CTDP1: variants seen among roughly 807,000 people sequenced by gnomAD.
CTDP1 encodes the protein RNA polymerase II subunit A C-terminal domain phosphatase.
Under a neutral mutation model 91.8 loss-of-function variants are expected in CTDP1, and 47 were observed. The observed-to-expected ratio is 0.51, with a 90% CI of 0.41 to 0.65. The LOEUF (loss-of-function observed/expected upper bound fraction) is 0.65, where lower values mean the gene tolerates loss of function less well. CTDP1 is among the 30% of genes least tolerant of loss of function. The pLI, the probability that CTDP1 is intolerant of heterozygous loss-of-function variation, is 0.00. For missense variants in CTDP1, 1,272 were observed against 1,373.7 expected, an observed-to-expected ratio of 0.93 and a Z score of 1.17; for synonymous variants, 656 against 598.5, an observed-to-expected ratio of 1.10 and a Z score of -1.40.
At chr18:79,708,922 T>G (rs1462282671) in intron 5 of CTDP1, among the ~76,000 whole-genome samples, 1 of 152,290 alleles carries the variant, frequency 6.6e-6, no homozygotes. Context: ...CCAAGTAATG[T>G]TAAACTCAGT....
At chr18:79,739,820 T>TCGGCG (rs1248742716) in intron 12 of CTDP1, among the ~76,000 whole-genome samples, 8 of 146,162 alleles carry the variant, frequency 5.5e-5, no homozygotes, top group South Asian at 2.4e-4. Flanking sequence ...CGGGTGGGAC[T>TCGGCG]CTCATACCCA....
chr18:79,714,418 T>C, intron 7 of CTDP1, 73 bp from the exon 8 acceptor site: 1 of 1,545,342 alleles, frequency 6.5e-7, no homozygotes, highest in Non-Finnish European at 8.9e-7. Context: ...AGAAGGGTGC[T>C]GCTTTAACTT....
intron 4 of CTDP1, among the ~76,000 whole-genome samples, chr18:79,701,338 G>C (rs1327238199): frequency 6.6e-6 from 1 of 151,902 alleles, no homozygotes; most frequent in African/African-American, 2.4e-5. Flanking sequence ...GTGAAACCCT[G>C]TCTCTACTAA....
chr18:79,732,382 C>G (rs1476679700), intron 11 of CTDP1, among the ~76,000 whole-genome samples: 1 of 122,900 alleles, frequency 8.1e-6, no homozygotes, highest in Non-Finnish European at 1.7e-5. Flanking sequence ...ATCAGGAGTG[C>G]TCCCAAAATC....
chr18:79,713,900 G>A lies in CTDP1; in HGVS notation c.1031-591G>A, dbSNP rs1310185578. On this transcript the variant is annotated intron_variant, in intron 7 of 12. Transcript: ENST00000613122. The surrounding 1 kb of genome is among the most constrained non-coding windows in gnomAD (Gnocchi z 4.7). ...TGCAGGGGCTTACGGCCACGGTGGCGCCAGGTCTGCAGGGGCTTACGGCCA... is the reference window on the plus strand; with the variant it reads ...TGCAGGGGCTTACGGCCACGGTGGCACCAGGTCTGCAGGGGCTTACGGCCA... 1.4e-5 allele frequency among the ~76,000 whole-genome samples: 2 copies of A among 147,938 alleles called. No homozygotes were observed. The highest frequency in any genetic ancestry group is 2.5e-5 in the African/African-American group (1 of 40,638).
chr18:79,677,451 G>A (rs2085268307), upstream of CTDP1: 2 of 152,308 alleles, frequency 1.3e-5, no homozygotes, highest in African/African-American at 4.8e-5. Flanking sequence ...AAACAGCAGG[G>A]TGGCTACAGC....
At chr18:79,735,385 C>A (rs1362413982) in intron 11 of CTDP1, among the ~76,000 whole-genome samples, 1 of 152,258 alleles carries the variant, frequency 6.6e-6, no homozygotes, top group African/African-American at 2.4e-5. Context: ...CCGTCGCACA[C>A]AGACGCCCTC....
At chr18:79,756,394 C>T (rs1000792661), downstream of CTDP1, 3 of 152,306 alleles carry the variant, frequency 2.0e-5, no homozygotes, top group Admixed American at 2.0e-4. Flanking sequence ...GGTGATGGCA[C>T]CCTCTGGAAG....
chr18:79,720,330 G>A (rs1429586652), intron 10 of CTDP1, among the ~76,000 whole-genome samples: 2 of 96,564 alleles, frequency 2.1e-5, no homozygotes, highest in Non-Finnish European at 4.1e-5. Flanking sequence ...GTCACCTCCC[G>A]TCATTAGGAG....
chr18:79,721,317 G>C (rs1030728332), intron 10 of CTDP1, among the ~76,000 whole-genome samples: 14 of 152,146 alleles, frequency 9.2e-5, no homozygotes, highest in African/African-American at 3.4e-4. Context: ...GGACACTTCT[G>C]AGAACAGCAG....
At chr18:79,698,056 T>G in intron 4 of CTDP1, 68 bp downstream of exon 4, 2 of 1,590,518 alleles carry the variant, frequency 1.3e-6, no homozygotes, top group South Asian at 2.2e-5. Flanking sequence ...GATTCAGAAG[T>G]GTGTTCTCTT....
chr18:79,686,351 C>G (rs889455111), intron 1 of CTDP1, among the ~76,000 whole-genome samples: 1 of 152,000 alleles, frequency 6.6e-6, no homozygotes, highest in Admixed American at 6.6e-5. Context: ...TGCACAAATA[C>G]AAAACGGAAA....
At position 79,696,930 on chromosome 18, in the gene CTDP1, A is replaced by G. The variant is rs577913466; in HGVS notation, c.492+860A>G. Among the ~76,000 whole-genome samples the G allele has an allele frequency of 8.5e-5, 13 of 152,348 alleles. No individual in the cohort carries two copies. The South Asian group carries it at 2.7e-3, about 32-fold the overall frequency. On this transcript the variant is annotated intron_variant, in intron 3 of 12. Transcript: ENST00000613122. ...ATCTTACAGACTTTCAGGGCTGCAC[A>G]GTTTTGTAAATAGGTAAAACACTTT... is the stretch of plus-strand genomic sequence containing the variant.
At chr18:79,703,365 A>C (rs2085898194) in intron 4 of CTDP1, among the ~76,000 whole-genome samples, 1 of 152,232 alleles carries the variant, frequency 6.6e-6, no homozygotes, top group Non-Finnish European at 1.5e-5. Flanking sequence ...TATTTTACTG[A>C]GAAAATAACA....
At chr18:79,685,050 G>T (rs111309286) in intron 1 of CTDP1, among the ~76,000 whole-genome samples, 10 of 150,778 alleles carry the variant, frequency 6.6e-5, no homozygotes, top group African/African-American at 2.0e-4. Context: ...TTTCTCTGCG[G>T]TGCTCCTTAC....
At chr18:79,703,940 C>T (rs779104469) in intron 4 of CTDP1, among the ~76,000 whole-genome samples, 2 of 149,622 alleles carry the variant, frequency 1.3e-5, no homozygotes, top group Non-Finnish European at 3.0e-5. Flanking sequence ...TTATCCTAGG[C>T]GGGTCGTTGC....
chr18:79,706,766 T>C (rs1402054610), intron 5 of CTDP1, among the ~76,000 whole-genome samples: 2 of 152,002 alleles, frequency 1.3e-5, no homozygotes, highest in Non-Finnish European at 2.9e-5. Flanking sequence ...GGTGAGGGAG[T>C]GGTTCCTGAC....
At position 79,753,784 on chromosome 18, in the gene CTDP1, C is replaced by T. The variant is rs2087049658; in HGVS notation, c.2880C>T (p.Leu960=). ...AKALEAELND[L]M ...CGCTGGAGGCGGAGCTCAACGACCT[C>T]ATGTGAGCGCGGGCAGCGGGCAGGG... The change falls in exon 13 of 13, where the codon CTC becomes CTT. Residue 960 remains leucine (L), a synonymous_variant. Transcript: ENST00000613122. The T allele has an allele frequency of 1.2e-6, 2 of 1,613,092 alleles. No homozygotes were observed. The highest frequency in any genetic ancestry group is 8.5e-7 in the Non-Finnish European group (1 of 1,179,920).
intron 12 of CTDP1, among the ~76,000 whole-genome samples, chr18:79,738,737 T>C (rs1370602123): frequency 1.3e-5 from 2 of 152,252 alleles, no homozygotes; most frequent in African/African-American, 4.8e-5. Context: ...CAGGAATTAC[T>C]TACAGAAAAT....
Sources: gnomAD v4.1 joint callset for allele counts (sites outside exome capture counted in the v4.1 genomes callset) on GRCh38, gnomAD v4.1.1 for gene constraint, Gnocchi (gnomAD v3.1) non-coding constraint, MANE v1.5 for transcripts, NCBI Gene and HGNC (gene_info 2026-07-23, HGNC 2026-07-21) for gene names.